Variants in PDZRN3 observed in about 807,000 individuals in gnomAD.
The protein encoded by PDZRN3 is PDZ domain containing ring finger 3.
PDZRN3 carries 38 observed loss-of-function variants against 85.7 expected under a neutral mutation model. The ratio of observed to expected loss-of-function variants is 0.44; its 90% CI spans 0.34 to 0.58. The LOEUF (loss-of-function observed/expected upper bound fraction) is 0.58, where lower values mean the gene tolerates loss of function less well. Ranked by LOEUF, PDZRN3 falls within the 20% of genes least tolerant of loss-of-function variation. PDZRN3 has a pLI of 0.01. For missense variants in PDZRN3, 1,629 were observed against 1,506.4 expected (o/e 1.08, Z -1.35); for synonymous variants, 759 against 638.0 (o/e 1.19, Z -2.86).
At chr3:73,543,936 G>T (rs750117002) in intron 3 of PDZRN3, among the ~76,000 whole-genome samples, 37 of 152,186 alleles carry the variant, frequency 2.4e-4, no homozygotes, top group African/African-American at 5.5e-4. Flanking sequence ...CTAATTTAAG[G>T]CCGGGTGTGG....
At chr3:73,525,603 T>G (rs1321825365) in intron 3 of PDZRN3, among the ~76,000 whole-genome samples, 2 of 152,188 alleles carry the variant, frequency 1.3e-5, no homozygotes, top group Admixed American at 6.5e-5. Flanking sequence ...TGGGAATACG[T>G]TTTAAGCTCA....
chr3:73,497,954 T>C (rs1703899671), intron 3 of PDZRN3, among the ~76,000 whole-genome samples: 1 of 152,084 alleles, frequency 6.6e-6, no homozygotes, highest in Non-Finnish European at 1.5e-5. Context: ...AAGAGAGACC[T>C]GAAAGGGTGG....
At position 73,624,534 on chromosome 3, in the gene PDZRN3, G is replaced by C; in HGVS notation, c.292C>G (p.Leu98Val). The C allele has an allele frequency of 3.4e-6, 5 of 1,486,180 alleles. No homozygotes were observed. Among genetic ancestry groups the C allele is most frequent in the Non-Finnish European group, 3.6e-6 (4 of 1,124,392 alleles). 92.1% of individuals were successfully genotyped at this position (1,486,180 alleles called of 1,614,324 possible). Residue 98 changes from leucine (L) to valine (V), a missense_variant, in exon 1 of 10, where the codon CTG (leucine) becomes GTG (valine). Transcript: ENST00000263666. ...TCGCAGCGCTCGAGGTGCTCCGGCA[G>C]CTGCTGCAGCTTGACCACCCGGCCG... ...GCGRVVKLQQ[L>V]PEHLERCDFA...
chr3:73,480,742 G>C (rs1031060440), intron 3 of PDZRN3, among the ~76,000 whole-genome samples: 3 of 152,094 alleles, frequency 2.0e-5, no homozygotes, highest in African/African-American at 7.2e-5. Context: ...CTGGCATCCG[G>C]TACAACAGCA....
intron 3 of PDZRN3, among the ~76,000 whole-genome samples, chr3:73,410,683 G>C (rs1046301083): frequency 4.6e-5 from 7 of 152,116 alleles, no homozygotes. Context: ...AATACATCTG[G>C]CTACCAGCCT....
chr3:73,619,188 C>T (rs932238387), intron 1 of PDZRN3, among the ~76,000 whole-genome samples: 2 of 152,138 alleles, frequency 1.3e-5, no homozygotes, highest in Non-Finnish European at 2.9e-5. Context: ...TAAACACGAG[C>T]CCACTTTTGG....
chr3:73,385,930 C>G (rs1701372800), intron 8 of PDZRN3, 145 bp from the exon 9 acceptor site: 9 of 612,938 alleles, frequency 1.5e-5, no homozygotes, highest in Admixed American at 2.8e-5. Context: ...CAATGATTTG[C>G]TGTTAAGTCA....
Position 73,384,192 on chromosome 3 carries a change from C to T in PDZRN3, c.2374G>A (p.Glu792Lys), listed in dbSNP as rs1701290921. 2 of 1,614,022 alleles carry T rather than the reference C, an allele frequency of 1.2e-6. No homozygotes were observed. The highest frequency in any genetic ancestry group is 1.3e-5 in the African/African-American group (1 of 75,068). Reference protein sequence around the residue: ...AAEGISCPSSEGAVGTTEAYG... With the variant: ...AAEGISCPSSKGAVGTTEAYG... The stretch of plus-strand genomic sequence containing the variant: ...GCTTCCGTGGTCCCCACAGCCCCTT[C>T]GCTGCTCGGGCAGCTGATGCCCTCC... The change falls in exon 10 of 10, where the codon GAA becomes AAA. Residue 792 changes from glutamate (E) to lysine (K), a missense_variant. Transcript: ENST00000263666.
chr3:73,572,994 G>A (rs1702066443), intron 3 of PDZRN3, among the ~76,000 whole-genome samples: 1 of 152,218 alleles, frequency 6.6e-6, no homozygotes, highest in African/African-American at 2.4e-5. Flanking sequence ...GCTCTTTTGT[G>A]TCCCACAGTG....
intron 3 of PDZRN3, among the ~76,000 whole-genome samples, chr3:73,448,845 T>C (rs1335860940): frequency 6.6e-6 from 1 of 152,202 alleles, no homozygotes. Flanking sequence ...GATACATCTG[T>C]ACTTGTGGCA....
intron 3 of PDZRN3, among the ~76,000 whole-genome samples, chr3:73,442,281 G>C (rs547830619): frequency 2.4e-4 from 36 of 152,296 alleles, no homozygotes; most frequent in Admixed American, 1.1e-3. Flanking sequence ...GAGGGGAAGT[G>C]GGGAGGGCAT....
At chr3:73,488,650 T>A (rs1189351676) in intron 3 of PDZRN3, among the ~76,000 whole-genome samples, 1 of 152,214 alleles carries the variant, frequency 6.6e-6, no homozygotes, top group Non-Finnish European at 1.5e-5. Context: ...TAGAAGAAAT[T>A]ATATTCATAG....
intron 3 of PDZRN3, among the ~76,000 whole-genome samples, chr3:73,436,623 CT>C (rs11298633): frequency 0.19 from 28,766 of 152,048 alleles, 5,371 homozygotes; most frequent in African/African-American, 0.49. Context: ...TTTACACATC[CT>C]TTTTACTCTT....
chr3:73,463,545 T>G (rs1211977020), intron 3 of PDZRN3, among the ~76,000 whole-genome samples: 1 of 152,152 alleles, frequency 6.6e-6, no homozygotes, highest in South Asian at 2.1e-4. Context: ...CTGGCAAGAT[T>G]GTGGAGAAAA....
chr3:73,526,665 T>C (rs913856909), intron 3 of PDZRN3, among the ~76,000 whole-genome samples: 2 of 152,142 alleles, frequency 1.3e-5, no homozygotes, highest in African/African-American at 4.8e-5. Flanking sequence ...ATAAACTTTG[T>C]CTTAGTTGTT....
rs768388420 is a variant in PDZRN3, at chr3:73,565,587, C to T, written c.918+36767G>A. Among the ~76,000 whole-genome samples the T allele has an allele frequency of 4.9e-4, 74 of 152,068 alleles. 1 individual carries two copies. Among genetic ancestry groups the T allele is most frequent in the African/African-American group, 8.2e-4 (34 of 41,402 alleles). On this transcript the variant is annotated intron_variant, in intron 3 of 9. Transcript: ENST00000263666. ...TGTGGTCTTATTTCACCTTCCACTA[C>T]GCCCTGGGAAGTTGGGACAAATCCT...
At chr3:73,550,207 C>T (rs749250149) in intron 3 of PDZRN3, among the ~76,000 whole-genome samples, 2 of 152,124 alleles carry the variant, frequency 1.3e-5, no homozygotes, top group South Asian at 4.1e-4. Context: ...CTGAATCATC[C>T]GGGAACTGGT....
At chr3:73,442,567 T>C (rs576951187) in intron 3 of PDZRN3, among the ~76,000 whole-genome samples, 1 of 152,250 alleles carries the variant, frequency 6.6e-6, no homozygotes, top group East Asian at 1.9e-4. Context: ...TCGAGGGAGA[T>C]GTGATGGCAT....
At chr3:73,522,528 A>G (rs1704392060) in intron 3 of PDZRN3, among the ~76,000 whole-genome samples, 1 of 152,204 alleles carries the variant, frequency 6.6e-6, no homozygotes, top group Non-Finnish European at 1.5e-5. Context: ...AAAGGGGCAC[A>G]ATGGTAAGAC....
Sources: gnomAD v4.1 joint callset for allele counts (sites outside exome capture counted in the v4.1 genomes callset) on GRCh38, gnomAD v4.1.1 for gene constraint, MANE v1.5 for transcripts, NCBI Gene and HGNC (gene_info 2026-07-23, HGNC 2026-07-21) for gene names.